Variants in BRD4 observed in about 807,000 individuals in gnomAD.
BRD4 encodes bromodomain-containing protein 4.
In BRD4, 16 loss-of-function variants were observed where a neutral mutation model predicts 142.1. That is an observed-to-expected ratio of 0.11 (90% confidence interval 0.08 to 0.17). The LOEUF is 0.17. Ranked by LOEUF, BRD4 falls within the 10% of genes least tolerant of loss-of-function variation. The pLI is 1.00. For synonymous variants in BRD4, 833 were observed against 707.5 expected, an observed-to-expected ratio of 1.18 and a Z score of -2.82; for missense variants, 1,424 against 1,810.9, an observed-to-expected ratio of 0.79 and a Z score of 3.88.
intron 6 of BRD4, chr19:15,264,000 G>A (rs1029806589): frequency 2.6e-5 from 6 of 231,128 alleles, no homozygotes; most frequent in South Asian, 2.2e-4. Context: ...TGAAAATGTC[G>A]GCACTTACAG....
At chr19:15,278,736 C>T (rs1020746872) in intron 1 of BRD4, among the ~76,000 whole-genome samples, 1 of 151,328 alleles carries the variant, frequency 6.6e-6, no homozygotes, top group Non-Finnish European at 1.5e-5. Context: ...AAAACTGAGA[C>T]GTTTAAGGAT....
intron 1 of BRD4, among the ~76,000 whole-genome samples, chr19:15,316,155 C>CAAAAAAA (rs980486654): frequency 3.0e-5 from 1 of 33,058 alleles, no homozygotes. Context: ...GACACCGTCT[C>CAAAAAAA]AAAAAAAAAA....
intron 2 of BRD4, among the ~76,000 whole-genome samples, chr19:15,271,639 A>G (rs2047588047): frequency 6.6e-6 from 1 of 152,118 alleles, no homozygotes; most frequent in South Asian, 2.1e-4. Flanking sequence ...AGATTGGTGC[A>G]GTGAGCTCCC....
chr19:15,267,668 T>G (rs1599468145), intron 3 of BRD4, 117 bp from the exon 4 acceptor site: 1 of 1,218,272 alleles, frequency 8.2e-7, no homozygotes, highest in Admixed American at 2.4e-5. Context: ...GTATTCCGGG[T>G]CCTTCCCCGA....
rs774774641 is a variant in BRD4 at position 15,236,666 on chromosome 19, CTA to C, written c.*1709_*1710del. 21 of 164,338 alleles carry C rather than the reference CTA, an allele frequency of 1.3e-4. No individual in the cohort carries two copies. Among genetic ancestry groups the C allele is most frequent in the Admixed American group, 6.5e-5 (1 of 15,470 alleles). The allele number at this position is 164,338 out of a possible 1,614,324, so 10.2% of individuals were successfully genotyped here. A position where few individuals can be genotyped will look rare whatever the true frequency, so the allele number is the denominator to read the frequency against. On this transcript the variant is annotated 3_prime_UTR_variant, in exon 20 of 20. Transcript: ENST00000679869. ...TCACAGCTTCAGCTTGGGGTGGTTG[CTA>C]TGAGTCTGCGTGGCTCCCGCCCAGG...
At chr19:15,316,659 G>A (rs954745721) in intron 1 of BRD4, among the ~76,000 whole-genome samples, 3 of 152,160 alleles carry the variant, frequency 2.0e-5, no homozygotes, top group Non-Finnish European at 4.4e-5. Context: ...GTTCTCTAGC[G>A]GAAACTTTTT....
chr19:15,251,809 A>G (rs1366091479), intron 11 of BRD4, among the ~76,000 whole-genome samples: 2 of 152,234 alleles, frequency 1.3e-5, no homozygotes, highest in Non-Finnish European at 2.9e-5. Context: ...TGCACACAGA[A>G]GGCAAAGGAA....
At position 15,255,318 on chromosome 19, in the gene BRD4, G is replaced by A. The variant is rs1468704458; in HGVS notation, c.2026C>T (p.Arg676Trp). The A allele has an allele frequency of 3.7e-6, 6 of 1,612,756 alleles. No homozygotes were observed. Among genetic ancestry groups the A allele is most frequent in the Middle Eastern group, 1.6e-4 (1 of 6,076 alleles). The change falls in exon 10 of 20, where the codon CGG becomes TGG. Residue 676 changes from arginine to tryptophan, a missense_variant. Physicochemically the swap from Arg to Trp is moderately radical, Grantham distance 101. This residue lies in a region of BRD4 where 46 missense variants were observed against 110.4 expected (regional missense o/e 0.42). Coordinates refer to ENST00000679869, the MANE Select transcript of BRD4 (RefSeq NM_001379291.1). ...ELERYVTSCL[R>W]KKRKPQAEKV... ...ACACCTTGAGGTTTCCTTTTCTTCC[G>A]CAAACAGGAGGTGACATAGCGCTCC...
At chr19:15,302,124 G>A (rs989109106) in intron 1 of BRD4, among the ~76,000 whole-genome samples, 2 of 151,632 alleles carry the variant, frequency 1.3e-5, no homozygotes, top group Admixed American at 1.3e-4. Flanking sequence ...CCAAGATTAC[G>A]CCACTGCCCT....
intron 2 of BRD4, among the ~76,000 whole-genome samples, chr19:15,271,517 G>A (rs1470537522): frequency 6.6e-6 from 1 of 152,098 alleles, no homozygotes; most frequent in Admixed American, 6.6e-5. Flanking sequence ...AACCCCTAAG[G>A]GCCTCACAAC....
Position 15,239,613 on chromosome 19 carries a change from G to A in BRD4, c.3445+46C>T. 6.4e-7 allele frequency: 1 copy of A among 1,556,576 alleles called. No homozygotes were observed. The highest frequency in any genetic ancestry group is 1.4e-5 in the African/African-American group (1 of 73,100). On this transcript the variant is annotated intron_variant, in intron 16 of 19. Coordinates refer to ENST00000679869, the MANE Select transcript of BRD4 (RefSeq NM_001379291.1). This position sits in a 1 kb window ranked among gnomAD's most constrained non-coding sequence, Gnocchi z 7.4. Reference sequence around the variant, plus strand: ...CACAGCAAGCTTATGTCCAACACGGGCCTCGGGGGGCCTGAGCCCTGGCTG... The same window carrying A: ...CACAGCAAGCTTATGTCCAACACGGACCTCGGGGGGCCTGAGCCCTGGCTG...
chr19:15,273,816 CTTT>C (rs920676613), intron 1 of BRD4, among the ~76,000 whole-genome samples: 4,864 of 127,274 alleles, frequency 0.038, 211 homozygotes, highest in African/African-American at 0.11. Context: ...CTACCATTTT[CTTT>C]TTTTTTTTTT....
chr19:15,330,354 C>T (rs1462893386), intron 1 of BRD4, among the ~76,000 whole-genome samples: 1 of 152,176 alleles, frequency 6.6e-6, no homozygotes, highest in Non-Finnish European at 1.5e-5. Flanking sequence ...AGTGGTTTAT[C>T]TTTCCCTGGC....
rs2145575867 is a variant in BRD4 at position 15,257,042 on chromosome 19, A to C, written c.1473T>G (p.Asp491Glu). 1 of 1,599,836 alleles carries C rather than the reference A, an allele frequency of 6.3e-7. No homozygotes were observed. The highest frequency in any genetic ancestry group is 8.5e-7 in the Non-Finnish European group (1 of 1,175,040). Residue 491 changes from aspartate (D) to glutamate (E), a missense_variant, in exon 8 of 20, where the codon GAT becomes GAG. By Grantham distance (45) the Asp-to-Glu change is conservative. Around this residue, in one of 16 missense-constraint regions of BRD4, gnomAD observed 90 missense variants for 93.2 expected, o/e 0.97. Coordinates refer to ENST00000679869, the MANE Select transcript of BRD4 (RefSeq NM_001379291.1). ...APPSSSDSSS[D>E]SSSDSDSSTD... is the part of the protein sequence containing the mutation. ...TCGAACTGTCACTGTCCGAGGAGCT[A>C]TCGCTGCTGCTGTCGCTGGATGAGG...
chr19:15,257,982 T>C (rs2047430930), intron 7 of BRD4, among the ~76,000 whole-genome samples: 1 of 152,158 alleles, frequency 6.6e-6, no homozygotes, highest in Admixed American at 6.5e-5. Context: ...CCACACATAC[T>C]GCCAGCCAGC....
rs779863415 is a variant in BRD4 at position 15,302,166 on chromosome 19, C to CA, written c.-34-29034dup. Reference sequence around the variant, plus strand: ...TGGGAGACAGAGTGGGACTTCATCTCAAAAAAAAAAAAGGGGAATTTTATT... The same window carrying CA: ...TGGGAGACAGAGTGGGACTTCATCTCAAAAAAAAAAAAAGGGGAATTTTATT... On this transcript the variant is annotated intron_variant, in intron 1 of 19. Coordinates refer to ENST00000679869, the MANE Select transcript of BRD4 (RefSeq NM_001379291.1). 5.1e-3 allele frequency among the ~76,000 whole-genome samples: 675 copies of CA among 133,046 alleles called. 12 individuals are homozygous for CA. The East Asian group carries it at 0.059, about 12-fold the overall frequency. The allele number at this position is 133,046 out of a possible 152,430, so 87.3% of individuals were successfully genotyped here. A position where few individuals can be genotyped will look rare whatever the true frequency, so the allele number is the denominator to read the frequency against.
chr19:15,291,214 T>C (rs1259455922), intron 1 of BRD4, among the ~76,000 whole-genome samples: 1 of 152,188 alleles, frequency 6.6e-6, no homozygotes, highest in Non-Finnish European at 1.5e-5. Context: ...AATCAGCTCC[T>C]AGTTGAGGCT....
chr19:15,304,977 G>A (rs1448662459), intron 1 of BRD4, among the ~76,000 whole-genome samples: 4 of 150,296 alleles, frequency 2.7e-5, no homozygotes, highest in African/African-American at 7.3e-5. Context: ...CCCACCAACC[G>A]TAAAACAAAG....
At chr19:15,296,046 G>C (rs1212616398) in intron 1 of BRD4, among the ~76,000 whole-genome samples, 1 of 152,128 alleles carries the variant, frequency 6.6e-6, no homozygotes, top group African/African-American at 2.4e-5. Context: ...ACAAGGCCAG[G>C]AGATCAAGAC....
Sources: gnomAD v4.1 joint callset for allele counts (sites outside exome capture counted in the v4.1 genomes callset) on GRCh38, gnomAD v4.1.1 for gene constraint, gnomAD v4.1.1 regional missense constraint, Gnocchi (gnomAD v3.1) non-coding constraint, MANE v1.5 for transcripts, NCBI Gene and HGNC (gene_info 2026-07-23, HGNC 2026-07-21) for gene names.